The following SCUBE3 variants were observed in gnomAD, a reference collection of about 807,000 sequenced individuals.
SCUBE3 encodes the protein signal peptide, CUB domain and EGF like domain containing 3.
Under a neutral mutation model 116.8 loss-of-function variants are expected in SCUBE3, and 33 were observed. The ratio of observed to expected loss-of-function variants is 0.28; its 90% confidence interval spans 0.21 to 0.38. SCUBE3 has a LOEUF of 0.38. SCUBE3 is among the 10% of genes least tolerant of loss of function. The probability of loss-of-function intolerance (pLI) is 1.00; values close to 1 mark genes in which losing one functional copy is unlikely to be tolerated. For missense variants in SCUBE3, 1,007 were observed against 1,324.8 expected (o/e 0.76, Z 3.72); for synonymous variants, 418 against 496.9 (o/e 0.84, Z 2.11).
chr6:35,221,846 G>C (rs773031576), intron 1 of SCUBE3: 5 of 152,250 alleles, frequency 3.3e-5, no homozygotes, highest in African/African-American at 9.6e-5. Flanking sequence ...CAGAGAGCCT[G>C]ACAGTAAGTC....
rs1782800817 is a variant in SCUBE3, at chr6:35,214,382, AC to A, written c.-35del. The A allele has an allele frequency of 7.3e-7, 1 of 1,363,446 alleles. No individual in the cohort carries two copies. The highest frequency in any genetic ancestry group is 9.6e-7 in the Non-Finnish European group (1 of 1,041,912). 84.5% of individuals were successfully genotyped at this position (1,363,446 alleles called of 1,614,324 possible). A position where few individuals can be genotyped will look rare whatever the true frequency, so the allele number is the denominator to read the frequency against. On this transcript the variant is annotated 5_prime_UTR_variant, in exon 1 of 22. Coordinates refer to ENST00000274938, the MANE Select transcript of SCUBE3 (RefSeq NM_152753.4). The surrounding 1 kb of genome is among the most constrained non-coding windows in gnomAD (Gnocchi z 6.3). ...GCTTCCGCCCTCCCCTGGCCGCGAG[AC>A]CGGCCCCGGCGGCTGGGCCGCCAGT...
In SCUBE3 at chr6:35,245,163, C is replaced by A; in HGVS notation, c.2402-65C>A. ...CTCTACTTCAGAACTCTTCAATTCC[C>A]CCAGCACACTTCCCCACTGACTTCC... On this transcript the variant is annotated intron_variant, in intron 18 of 21. Transcript: ENST00000274938. This position sits in a 1 kb window ranked among gnomAD's most constrained non-coding sequence, Gnocchi z 4.2. The A allele has an allele frequency of 6.9e-7, 1 of 1,448,964 alleles. No homozygotes were observed. Among genetic ancestry groups the A allele is most frequent in the Non-Finnish European group, 9.7e-7 (1 of 1,031,504 alleles). 89.8% of individuals were successfully genotyped at this position (1,448,964 alleles called of 1,614,324 possible).
intron 1 of SCUBE3, among the ~76,000 whole-genome samples, chr6:35,217,456 G>C (rs1356278928): frequency 6.6e-6 from 1 of 151,386 alleles, no homozygotes; most frequent in East Asian, 2.0e-4. Context: ...CATGCATTTA[G>C]AATTTCCAAG....
intron 13 of SCUBE3, 97 bp from the exon 14 acceptor site, chr6:35,242,525 G>A: frequency 1.7e-6 from 2 of 1,172,656 alleles, no homozygotes; most frequent in South Asian, 2.8e-5. Flanking sequence ...ACAGGATTGA[G>A]AGATAGTTAC....
In SCUBE3 at chr6:35,239,559, G is replaced by C. The variant is rs1783936746; in HGVS notation, c.830-193G>C. On this transcript the variant is annotated intron_variant, in intron 7 of 21. Transcript: ENST00000274938. This position sits in a 1 kb window ranked among gnomAD's most constrained non-coding sequence, Gnocchi z 4.1. ...TAATGGCCACAGATCCCCTGAACAG[G>C]GAAGAAACAGAGACAGGAAAGAGAG... Among the ~76,000 whole-genome samples, 1 of 152,060 alleles carries C rather than the reference G, an allele frequency of 6.6e-6. No homozygotes were observed. Among genetic ancestry groups the C allele is most frequent in the South Asian group, 2.1e-4 (1 of 4,832 alleles).
chr6:35,239,949 A>G lies in SCUBE3; in HGVS notation c.952+75A>G, dbSNP rs1581939127. The G allele has an allele frequency of 8.3e-6, 11 of 1,317,634 alleles. No homozygotes were observed. The highest frequency in any genetic ancestry group is 1.1e-5 in the Non-Finnish European group (11 of 974,678). 81.6% of individuals were successfully genotyped at this position (1,317,634 alleles called of 1,614,324 possible). ...AGAGCTTCAAGGAGGCCAGAGGGCT[A>G]AAGTCTTAGAAACTCAATAGATATC... On this transcript the variant is annotated intron_variant, in intron 8 of 21. Coordinates refer to ENST00000274938, the MANE Select transcript of SCUBE3 (RefSeq NM_152753.4). The surrounding 1 kb of genome is among the most constrained non-coding windows in gnomAD (Gnocchi z 4.1).
intron 14 of SCUBE3, 23 bp from the exon 15 acceptor site, chr6:35,242,998 T>A: frequency 6.2e-7 from 1 of 1,610,158 alleles, no homozygotes; most frequent in Non-Finnish European, 8.5e-7. Flanking sequence ...TCCTCCCTGA[T>A]ACACACGGCC....
chr6:35,217,240 GGGGGAGGCGCGGCGGGGGGGGGGGT>G (rs1782945886), intron 1 of SCUBE3, among the ~76,000 whole-genome samples: 2 of 14,920 alleles, frequency 1.3e-4, no homozygotes, highest in African/African-American at 2.9e-4. Context: ...GGGGGGGCGG[GGGGGAGGCGCGGCGGGGGGGGGGGT>G]GTGTGCAGCA....
Position 35,232,677 on chromosome 6 carries a change from C to G in SCUBE3, c.470-173C>G, listed in dbSNP as rs1419067531. 1.3e-5 allele frequency among the ~76,000 whole-genome samples: 2 copies of G among 152,122 alleles called. No homozygotes were observed. ...AGCTCTGTGCTCTGCTCATGAGCAC[C>G]CAGGTCTGTGGGGAAGACAGGAGGC... On this transcript the variant is annotated intron_variant, in intron 4 of 21. Coordinates refer to ENST00000274938, the MANE Select transcript of SCUBE3 (RefSeq NM_152753.4). This position sits in a 1 kb window ranked among gnomAD's most constrained non-coding sequence, Gnocchi z 4.2.
intron 14 of SCUBE3, 31 bp downstream of exon 14, chr6:35,242,811 C>A: frequency 6.2e-7 from 1 of 1,606,118 alleles, no homozygotes; most frequent in Non-Finnish European, 8.5e-7. Context: ...GGGAAGAGGA[C>A]TGGAAGGGGA....
chr6:35,227,269 G>C (rs1327779894), intron 1 of SCUBE3, among the ~76,000 whole-genome samples: 2 of 152,124 alleles, frequency 1.3e-5, no homozygotes, highest in Non-Finnish European at 2.9e-5. Flanking sequence ...TCCTAATCAA[G>C]TTAAGTGTAC....
intron 6 of SCUBE3, 101 bp from the exon 7 acceptor site, chr6:35,237,801 G>A: frequency 1.5e-6 from 1 of 678,900 alleles, no homozygotes; most frequent in Non-Finnish European, 2.6e-6. Flanking sequence ...AGAGGCAGCT[G>A]AGGCCTTCCC....
chr6:35,229,780 A>G (rs1783465739), intron 3 of SCUBE3, among the ~76,000 whole-genome samples: 1 of 152,214 alleles, frequency 6.6e-6, no homozygotes, highest in Non-Finnish European at 1.5e-5. Context: ...TCTGAAGCTC[A>G]TAGCAGAAAA....
Position 35,243,813 on chromosome 6 carries a change from G to A in SCUBE3, c.2071+58G>A. Reference sequence around the variant, plus strand: ...AGGGTGGGCACTGGGATGCCCATGGGCATGGGATTTCCCAAAGGGCAGGCC... The same window carrying A: ...AGGGTGGGCACTGGGATGCCCATGGACATGGGATTTCCCAAAGGGCAGGCC... On this transcript the variant is annotated intron_variant, in intron 16 of 21. Transcript: ENST00000274938. This position sits in a 1 kb window ranked among gnomAD's most constrained non-coding sequence, Gnocchi z 6.6. 1.9e-6 allele frequency: 3 copies of A among 1,575,080 alleles called. No individual in the cohort carries two copies. The Admixed American group carries it at 5.1e-5, about 27-fold the overall frequency.
At position 35,228,653 on chromosome 6, in the gene SCUBE3, T is replaced by C; in HGVS notation, c.248T>C (p.Val83Ala). Residue 83 changes from valine to alanine, a missense_variant, in exon 3 of 22, where the codon GTG (valine) becomes GCG (alanine). Physicochemically the swap from Val to Ala is moderately conservative, Grantham distance 64. Coordinates refer to ENST00000274938, the MANE Select transcript of SCUBE3 (RefSeq NM_152753.4). This position sits in a 1 kb window ranked among gnomAD's most constrained non-coding sequence, Gnocchi z 4.9. ...ECEREDNAGC[V>A]HDCVNIPGNY... is the part of the protein sequence containing the mutation. The stretch of plus-strand genomic sequence containing the variant: ...GAGCGAGAGGATAATGCAGGTTGTG[T>C]GCATGACTGTGTCAACATCCCTGGC... The C allele has an allele frequency of 6.2e-7, 1 of 1,614,036 alleles. No individual in the cohort carries two copies. Among genetic ancestry groups the C allele is most frequent in the Non-Finnish European group, 8.5e-7 (1 of 1,179,914 alleles).
chr6:35,225,761 T>C (rs531276332), intron 1 of SCUBE3, among the ~76,000 whole-genome samples: 35 of 152,336 alleles, frequency 2.3e-4, no homozygotes, highest in African/African-American at 7.5e-4. Flanking sequence ...TCTGGGTATC[T>C]ATAAATTGGA....
Position 35,241,064 on chromosome 6 carries a change from C to A in SCUBE3, c.1070-77C>A. 1 of 1,413,180 alleles carries A rather than the reference C, an allele frequency of 7.1e-7. No homozygotes were observed. The highest frequency in any genetic ancestry group is 9.7e-7 in the Non-Finnish European group (1 of 1,028,636). The allele number at this position is 1,413,180 out of a possible 1,614,324, so 87.5% of individuals were successfully genotyped here. A position where few individuals can be genotyped will look rare whatever the true frequency, so the allele number is the denominator to read the frequency against. Reference sequence around the variant, plus strand: ...GGGTACCTGAAACTCTAACCAAAGGCCCTCACTCACTGCCTACTCTCCGGC... The same window carrying A: ...GGGTACCTGAAACTCTAACCAAAGGACCTCACTCACTGCCTACTCTCCGGC... On this transcript the variant is annotated intron_variant, in intron 9 of 21. Transcript: ENST00000274938. The surrounding 1 kb of genome is among the most constrained non-coding windows in gnomAD (Gnocchi z 4.1).
chr6:35,238,341 CCTGA>C (rs201613225), intron 7 of SCUBE3, among the ~76,000 whole-genome samples: 2,592 of 152,274 alleles, frequency 0.017, 30 homozygotes, highest in Non-Finnish European at 0.028. Flanking sequence ...ATATTTGAGC[CCTGA>C]CTGTGTGTGT....
rs528694325 is a variant in SCUBE3, at chr6:35,233,765, G to C, written c.712+464G>C. 6.6e-6 allele frequency among the ~76,000 whole-genome samples: 1 copy of C among 152,256 alleles called. No individual in the cohort carries two copies. The highest frequency in any genetic ancestry group is 1.9e-4 in the East Asian group (1 of 5,182). ...AGGGTGGGACAGAGTGCTCCTTCCT[G>C]GAACAACCATCCCTGAACTGACTGA... On this transcript the variant is annotated intron_variant, in intron 6 of 21. Transcript: ENST00000274938. The surrounding 1 kb of genome is among the most constrained non-coding windows in gnomAD (Gnocchi z 5.7).
Sources: gnomAD v4.1 joint callset for allele counts (sites outside exome capture counted in the v4.1 genomes callset) on GRCh38, gnomAD v4.1.1 for gene constraint, Gnocchi (gnomAD v3.1) non-coding constraint, MANE v1.5 for transcripts, NCBI Gene and HGNC (gene_info 2026-07-23, HGNC 2026-07-21) for gene names.